FHIT: variants seen among roughly 807,000 people sequenced by gnomAD.
FHIT encodes fragile histidine triad diadenosine triphosphatase.
In FHIT, 19 loss-of-function variants were observed where a neutral mutation model predicts 17.9. That is an observed-to-expected ratio of 1.06 (90% CI 0.74 to 1.56). The LOEUF (loss-of-function observed/expected upper bound fraction) is 1.56, where lower values mean the gene tolerates loss of function less well. Among genes scored for constraint, FHIT ranks in the 40% most tolerant of loss-of-function variants. FHIT has a pLI of 0.00. For missense variants in FHIT, 248 were observed against 189.2 expected, an observed-to-expected ratio of 1.31 and a Z score of -1.82; for synonymous variants, 81 against 69.7, an observed-to-expected ratio of 1.16 and a Z score of -0.81.
chr3:60,145,581 T>C (rs1307059370), intron 5 of FHIT, among the ~76,000 whole-genome samples: 3 of 152,160 alleles, frequency 2.0e-5, no homozygotes, highest in Non-Finnish European at 4.4e-5. Flanking sequence ...TGTTCTCAAA[T>C]ATTCATCATT....
At chr3:61,249,878 A>G (rs778817637) in intron 1 of FHIT, among the ~76,000 whole-genome samples, 1 of 151,442 alleles carries the variant, frequency 6.6e-6, no homozygotes, top group African/African-American at 2.4e-5. Flanking sequence ...TACTTGGAAC[A>G]CCGTATACAA....
chr3:60,957,940 A>G (rs1487381658), intron 3 of FHIT, among the ~76,000 whole-genome samples: 3 of 152,262 alleles, frequency 2.0e-5, no homozygotes, highest in Admixed American at 6.5e-5. Context: ...TTCTGTAGTC[A>G]GACATGTCAA....
intron 4 of FHIT, among the ~76,000 whole-genome samples, chr3:60,644,520 A>C (rs1452065572): frequency 6.6e-6 from 1 of 152,238 alleles, no homozygotes. Context: ...GTTTAGAAAT[A>C]AGCATACAAA....
intron 2 of FHIT, among the ~76,000 whole-genome samples, chr3:61,093,737 G>T (rs555184230): frequency 1.3e-5 from 2 of 152,294 alleles, no homozygotes; most frequent in African/African-American, 4.8e-5. Flanking sequence ...ACCTCAAAAA[G>T]TTGTTAGCAG....
intron 7 of FHIT, among the ~76,000 whole-genome samples, 187 bp downstream of exon 7, chr3:60,011,184 A>G (rs192060872): frequency 6.6e-6 from 1 of 152,296 alleles, no homozygotes; most frequent in East Asian, 1.9e-4. Context: ...TGTCTTGTAA[A>G]CCAATGGGAA....
intron 2 of FHIT, among the ~76,000 whole-genome samples, chr3:61,169,628 G>A (rs1362075571): frequency 1.3e-5 from 2 of 152,158 alleles, no homozygotes; most frequent in Non-Finnish European, 2.9e-5. Context: ...GTGATGAGAA[G>A]TGAACTTCTT....
At chr3:59,862,917 G>C (rs1414566459) in intron 8 of FHIT, among the ~76,000 whole-genome samples, 1 of 152,154 alleles carries the variant, frequency 6.6e-6, no homozygotes, top group Admixed American at 6.5e-5. Flanking sequence ...GACGGGGTAG[G>C]ATGTGGGCTG....
intron 5 of FHIT, among the ~76,000 whole-genome samples, chr3:60,222,216 A>T (rs1703996845): frequency 7.4e-6 from 1 of 134,346 alleles, no homozygotes; most frequent in African/African-American, 2.9e-5. Flanking sequence ...TTATTCATGC[A>T]TTCATTCATT....
chr3:60,224,926 G>A (rs113076438), intron 5 of FHIT, among the ~76,000 whole-genome samples: 1,958 of 151,888 alleles, frequency 0.013, 47 homozygotes, highest in African/African-American at 0.044. Context: ...TCACCATTTT[G>A]GCCAGACTGG....
At chr3:60,294,022 C>A (rs1276379691) in intron 5 of FHIT, among the ~76,000 whole-genome samples, 1 of 152,010 alleles carries the variant, frequency 6.6e-6, no homozygotes, top group Non-Finnish European at 1.5e-5. Context: ...TCTCTAAAAC[C>A]ACAAATTCAT....
chr3:60,254,601 C>A (rs576284657), intron 5 of FHIT, among the ~76,000 whole-genome samples: 1 of 152,186 alleles, frequency 6.6e-6, no homozygotes, highest in South Asian at 2.1e-4. Flanking sequence ...ATATAACATA[C>A]TCAAATCACA....
chr3:60,931,570 G>A (rs189055551), intron 3 of FHIT, among the ~76,000 whole-genome samples: 177 of 148,932 alleles, frequency 1.2e-3, no homozygotes, highest in Non-Finnish European at 1.4e-3. Context: ...CGGTCAAATC[G>A]CCTCAGAAGC....
intron 8 of FHIT, among the ~76,000 whole-genome samples, chr3:59,755,483 A>T (rs1452134365): frequency 3.3e-5 from 5 of 152,206 alleles, no homozygotes; most frequent in Non-Finnish European, 5.9e-5. Flanking sequence ...AATGATCTTA[A>T]ATAGTAGTTT....
intron 8 of FHIT, among the ~76,000 whole-genome samples, chr3:59,804,794 C>A (rs1461558068): frequency 6.6e-6 from 1 of 152,182 alleles, no homozygotes; most frequent in Non-Finnish European, 1.5e-5. Flanking sequence ...CCTTTGCTGA[C>A]TCTGCCTTCT....
chr3:61,125,646 G>T (rs1045737331), intron 2 of FHIT, among the ~76,000 whole-genome samples: 1 of 152,158 alleles, frequency 6.6e-6, no homozygotes, highest in African/African-American at 2.4e-5. Flanking sequence ...GCAAACAACT[G>T]TCTTTTCTTC....
chr3:60,951,991 C>A (rs888159847), intron 3 of FHIT, among the ~76,000 whole-genome samples: 2 of 152,024 alleles, frequency 1.3e-5, no homozygotes, highest in African/African-American at 2.4e-5. Flanking sequence ...CATGGTGAAA[C>A]CCCATCTCTA....
chr3:60,772,340 A>C lies in FHIT; in HGVS notation c.-18+49579T>G, dbSNP rs1343467773. ...TATATATATATATATATATATATAT[A>C]TATATATATATATATTTGACATCAT... On this transcript the variant is annotated intron_variant, in intron 4 of 9. Transcript: ENST00000492590. 4.5e-3 allele frequency among the ~76,000 whole-genome samples: 172 copies of C among 38,122 alleles called. 2 individuals carry two copies. The highest frequency in any genetic ancestry group is 0.024 in the African/African-American group (160 of 6,674). 25.0% of individuals were successfully genotyped at this position (38,122 alleles called of 152,430 possible). A position where few individuals can be genotyped will look rare whatever the true frequency, so the allele number is the denominator to read the frequency against.
chr3:60,123,807 A>G (rs1315063484), intron 5 of FHIT, among the ~76,000 whole-genome samples: 1 of 151,098 alleles, frequency 6.6e-6, no homozygotes. Flanking sequence ...ATAATCTATC[A>G]TTATACTTCA....
intron 5 of FHIT, among the ~76,000 whole-genome samples, chr3:60,331,043 C>T (rs900003021): frequency 2.0e-5 from 3 of 152,188 alleles, no homozygotes; most frequent in African/African-American, 7.2e-5. Flanking sequence ...TCACCAGAAT[C>T]CCCTGCATAT....
Sources: allele counts gnomAD v4.1 joint callset (sites outside exome capture counted in the v4.1 genomes callset), GRCh38; gene constraint gnomAD v4.1.1; transcripts MANE v1.5; gene names NCBI Gene and HGNC (gene_info 2026-07-23, HGNC 2026-07-21).